ZFHX3: variants seen among roughly 807,000 people sequenced by gnomAD.
ZFHX3 encodes zinc finger homeobox 3, also known as zinc finger homeobox protein 3.
Under a neutral mutation model 279.1 loss-of-function variants are expected in ZFHX3, and 42 were observed. That is an observed-to-expected ratio of 0.15 (90% CI 0.12 to 0.19). The LOEUF (loss-of-function observed/expected upper bound fraction) is 0.19, where lower values mean the gene tolerates loss of function less well. ZFHX3 is among the 10% of genes least tolerant of loss of function. The probability of loss-of-function intolerance (pLI) is 1.00; values close to 1 mark genes in which losing one functional copy is unlikely to be tolerated. For missense variants in ZFHX3, 4,981 were observed against 4,754.0 expected, an observed-to-expected ratio of 1.05 and a Z score of -1.40; for synonymous variants, 2,293 against 1,957.8, an observed-to-expected ratio of 1.17 and a Z score of -4.52.
chr16:73,855,971 C>T (rs1961717498), intron 1 of ZFHX3, among the ~76,000 whole-genome samples: 2 of 152,068 alleles, frequency 1.3e-5, no homozygotes, highest in Non-Finnish European at 2.9e-5. Context: ...ACCCAATAAA[C>T]AGGGAATTGG....
intron 1 of ZFHX3, among the ~76,000 whole-genome samples, chr16:73,855,665 A>C (rs1961709163): frequency 6.6e-6 from 1 of 152,230 alleles, no homozygotes; most frequent in Admixed American, 6.5e-5. Context: ...GGAAAACATA[A>C]CAAGCTCAGA....
intron 3 of ZFHX3, among the ~76,000 whole-genome samples, chr16:73,378,751 C>G (rs1384242457): frequency 1.3e-5 from 2 of 152,144 alleles, no homozygotes; most frequent in Non-Finnish European, 2.9e-5. Flanking sequence ...TGCTTTGGCT[C>G]TCATTGCTCT....
chr16:73,124,594 A>G (rs1300757001), intron 7 of ZFHX3, among the ~76,000 whole-genome samples: 1 of 152,186 alleles, frequency 6.6e-6, no homozygotes, highest in African/African-American at 2.4e-5. Context: ...GTGACAGTAC[A>G]TGCTTTGCAG....
chr16:73,757,000 G>T (rs777620583), intron 1 of ZFHX3, among the ~76,000 whole-genome samples: 2 of 152,114 alleles, frequency 1.3e-5, no homozygotes, highest in African/African-American at 4.8e-5. Flanking sequence ...GTGCAAGAGG[G>T]AATGCATGGG....
chr16:73,333,666 G>A (rs2015849717), intron 3 of ZFHX3, among the ~76,000 whole-genome samples: 1 of 151,960 alleles, frequency 6.6e-6, no homozygotes, highest in African/African-American at 2.4e-5. Flanking sequence ...GGGTAACAAG[G>A]GCTCTATACT....
rs555121662 is a variant in ZFHX3 at position 73,186,271 on chromosome 16, C to T, written c.-1103-42440G>A. 3.6e-3 allele frequency among the ~76,000 whole-genome samples: 545 copies of T among 152,278 alleles called. 3 individuals carry two copies. Among genetic ancestry groups the T allele is most frequent in the African/African-American group, 0.013 (533 of 41,544 alleles). On this transcript the variant is annotated intron_variant, in intron 5 of 17. Transcript: ENST00000641206. The stretch of plus-strand genomic sequence containing the variant: ...CCCTCACCATCTGTGGAAAAACTGC[C>T]TTCCATGAAACTGGTCCCTGGTGCC...
chr16:72,931,277 C>T lies in ZFHX3; in HGVS notation c.3216+19192G>A, dbSNP rs114887387. Among the ~76,000 whole-genome samples, 629 of 152,220 alleles carry T rather than the reference C, an allele frequency of 4.1e-3. 7 individuals are homozygous for T. The highest frequency in any genetic ancestry group is 0.014 in the African/African-American group (593 of 41,548). On this transcript the variant is annotated intron_variant, in intron 3 of 9. Coordinates refer to ENST00000268489, the MANE Select transcript of ZFHX3 (RefSeq NM_006885.4). ...TTTCTGTTGCACATACTTCGCACAT[C>T]GTTTCAGATGTTAAAGACGGTTTCG...
chr16:73,202,383 A>G (rs2011637876), intron 5 of ZFHX3, among the ~76,000 whole-genome samples: 1 of 152,264 alleles, frequency 6.6e-6, no homozygotes, highest in African/African-American at 2.4e-5. Flanking sequence ...TGGAAGAGAA[A>G]TATGAAGCCT....
chr16:73,086,201 G>A (rs561017535), intron 8 of ZFHX3, among the ~76,000 whole-genome samples: 21 of 152,130 alleles, frequency 1.4e-4, no homozygotes, highest in Middle Eastern at 3.4e-3. Context: ...TTATCAAAAC[G>A]ACAAAAAATA....
At chr16:73,424,182 A>C (rs2017769206) in intron 3 of ZFHX3, among the ~76,000 whole-genome samples, 1 of 152,186 alleles carries the variant, frequency 6.6e-6, no homozygotes, top group Non-Finnish European at 1.5e-5. Context: ...CCCCGAAAGC[A>C]TACTGACCAA....
At chr16:73,622,262 AAGAAAG>A (rs2052370340) in intron 2 of ZFHX3, among the ~76,000 whole-genome samples, 1 of 152,272 alleles carries the variant, frequency 6.6e-6, no homozygotes, top group African/African-American at 2.4e-5. Context: ...AGTTCTCTGT[AAGAAAG>A]GAATATGGGG....
intron 2 of ZFHX3, among the ~76,000 whole-genome samples, chr16:73,485,670 T>C (rs2018961004): frequency 6.6e-6 from 1 of 152,060 alleles, no homozygotes; most frequent in Admixed American, 6.6e-5. Context: ...GTATGCTTTT[T>C]CTCATCTCTT....
At chr16:73,881,453 ACTCTCTCTCT>A (rs368431262) in intron 1 of ZFHX3, among the ~76,000 whole-genome samples, 2 of 39,028 alleles carry the variant, frequency 5.1e-5, no homozygotes, top group African/African-American at 1.8e-4. Flanking sequence ...ACACACACAC[ACTCTCTCTCT>A]CTCTCTCTCT....
intron 4 of ZFHX3, among the ~76,000 whole-genome samples, chr16:72,850,074 T>C (rs2037577932): frequency 6.6e-6 from 1 of 152,082 alleles, no homozygotes; most frequent in Non-Finnish European, 1.5e-5. Context: ...GGTTAGGCAC[T>C]GATAGAAATG....
At chr16:72,928,194 A>AGGGGGAGCGAGGGGGAGCGAG (rs1302108425) in intron 3 of ZFHX3, among the ~76,000 whole-genome samples, 17 of 4,506 alleles carry the variant, frequency 3.8e-3, no homozygotes, top group Non-Finnish European at 5.0e-3. Context: ...AGGGAGGGGG[A>AGGGGGAGCGAGGGGGAGCGAG]GGGGAGCGAG....
At chr16:72,807,608 A>AC (rs1368296676) in intron 7 of ZFHX3, 1 of 152,212 alleles carries the variant, frequency 6.6e-6, no homozygotes, top group Admixed American at 6.5e-5. Flanking sequence ...GAACAGAAAG[A>AC]CGTTGTGTAG....
At chr16:72,995,033 C>T (rs961640616) in intron 1 of ZFHX3, among the ~76,000 whole-genome samples, 1 of 152,154 alleles carries the variant, frequency 6.6e-6, no homozygotes, top group Admixed American at 6.5e-5. Flanking sequence ...GTAATCTGCT[C>T]CTAACGCCCC....
chr16:73,518,503 AGAG>A (rs1030734432), intron 2 of ZFHX3, among the ~76,000 whole-genome samples: 2 of 152,170 alleles, frequency 1.3e-5, no homozygotes, highest in Non-Finnish European at 2.9e-5. Flanking sequence ...CAGGGGACTG[AGAG>A]GAGATGTGTC....
intron 2 of ZFHX3, among the ~76,000 whole-genome samples, chr16:73,671,582 G>C (rs1471287065): frequency 4.6e-5 from 7 of 152,194 alleles, no homozygotes; most frequent in African/African-American, 1.7e-4. Context: ...AACCTGGCAG[G>C]GTGCCTGCAG....
Sources: gnomAD v4.1 joint callset for allele counts (sites outside exome capture counted in the v4.1 genomes callset) on GRCh38, gnomAD v4.1.1 for gene constraint, MANE v1.5 for transcripts, NCBI Gene and HGNC (gene_info 2026-07-23, HGNC 2026-07-21) for gene names.